The following ANKRD44 variants were observed in gnomAD, a reference collection of about 807,000 sequenced individuals.
ANKRD44 encodes the protein ankyrin repeat domain 44.
In ANKRD44, 35 loss-of-function variants were observed where a neutral mutation model predicts 116.0. That is an observed-to-expected ratio of 0.30 (90% CI 0.23 to 0.40). The LOEUF (loss-of-function observed/expected upper bound fraction) is 0.40, where lower values mean the gene tolerates loss of function less well. Ranked by LOEUF, ANKRD44 falls within the 10% of genes least tolerant of loss-of-function variation. ANKRD44 has a pLI of 1.00. For synonymous variants in ANKRD44, 435 were observed against 461.8 expected (o/e 0.94, Z 0.74); for missense variants, 1,014 against 1,242.6 (o/e 0.82, Z 2.77).
intron 22 of ANKRD44, 78 bp downstream of exon 22, chr2:197,001,675 T>C (rs1334765532): frequency 1.8e-6 from 2 of 1,082,750 alleles, no homozygotes; most frequent in South Asian, 1.7e-5. Flanking sequence ...AAAAGACTTT[T>C]TTCCCTACAA....
chr2:197,222,084 C>G (rs1324914807), intron 1 of ANKRD44, among the ~76,000 whole-genome samples: 3 of 152,204 alleles, frequency 2.0e-5, no homozygotes, highest in Non-Finnish European at 4.4e-5. Flanking sequence ...AAGAACAGCA[C>G]CTGGAGGAAA....
chr2:197,146,571 A>T, intron 3 of ANKRD44, among the ~76,000 whole-genome samples: 2 of 150,938 alleles, frequency 1.3e-5, no homozygotes, highest in African/African-American at 4.9e-5. Context: ...ATATAGAGAG[A>T]GAGTATATAG....
chr2:197,279,963 T>A (rs1305410059), intron 1 of ANKRD44, among the ~76,000 whole-genome samples: 1 of 152,210 alleles, frequency 6.6e-6, no homozygotes, highest in Non-Finnish European at 1.5e-5. Context: ...GTTGTCATCA[T>A]TTTTGAGCCA....
intron 21 of ANKRD44, among the ~76,000 whole-genome samples, chr2:196,977,706 G>C (rs747270200): frequency 6.6e-6 from 1 of 152,148 alleles, no homozygotes; most frequent in African/African-American, 2.4e-5. Flanking sequence ...AAGAAGTACT[G>C]GCAAGGAGGT....
rs367757308 is a variant in ANKRD44 at position 196,989,293 on chromosome 2, AG to A, written c.*297del. On this transcript the variant is annotated 3_prime_UTR_variant, in exon 28 of 28. Coordinates refer to ENST00000282272, the MANE Select transcript of ANKRD44 (RefSeq NM_001195144.2). ...TCTAGTTTGGCAAAAAAAAAAAAAA[AG>A]GTCAGCACATCATCAGTTACAAATG... 8.2e-5 allele frequency: 81 copies of A among 986,540 alleles called. 1 individual carries two copies. In the East Asian group the frequency reaches 2.6e-3, roughly 31 times the overall value. The allele number at this position is 986,540 out of a possible 1,614,324, so 61.1% of individuals were successfully genotyped here.
intron 1 of ANKRD44, among the ~76,000 whole-genome samples, chr2:197,271,433 A>G (rs1277290988): frequency 6.6e-6 from 1 of 152,188 alleles, no homozygotes; most frequent in African/African-American, 2.4e-5. Flanking sequence ...GAACTTTCCA[A>G]CTTACAGAAC....
At chr2:197,245,259 CAAT>C (rs2082166880) in intron 1 of ANKRD44, among the ~76,000 whole-genome samples, 1 of 151,864 alleles carries the variant, frequency 6.6e-6, no homozygotes, top group Non-Finnish European at 1.5e-5. Context: ...GACTCCATCT[CAAT>C]AATAATAATA....
chr2:197,192,385 A>G (rs2080845515), intron 1 of ANKRD44, among the ~76,000 whole-genome samples: 1 of 152,234 alleles, frequency 6.6e-6, no homozygotes, highest in African/African-American at 2.4e-5. Flanking sequence ...AAAGAAAAAC[A>G]TTTTGCATTC....
At chr2:197,094,691 A>G (rs1190109184) in intron 10 of ANKRD44, among the ~76,000 whole-genome samples, 2 of 152,222 alleles carry the variant, frequency 1.3e-5, no homozygotes, top group East Asian at 3.8e-4. Flanking sequence ...CATTTCTTAA[A>G]TTTAGAATAG....
intron 9 of ANKRD44, among the ~76,000 whole-genome samples, chr2:197,103,046 G>A (rs569758783): frequency 7.2e-5 from 11 of 152,046 alleles, no homozygotes; most frequent in Non-Finnish European, 1.0e-4. Context: ...TGGCAAACAC[G>A]GTGAAACCCC....
At chr2:197,239,050 T>C (rs1472633970) in intron 1 of ANKRD44, among the ~76,000 whole-genome samples, 1 of 152,078 alleles carries the variant, frequency 6.6e-6, no homozygotes, top group African/African-American at 2.4e-5. Flanking sequence ...TGCTGCTCCA[T>C]TCTCTGTAGC....
chr2:197,207,233 C>T (rs2081228121), intron 1 of ANKRD44, among the ~76,000 whole-genome samples: 1 of 152,204 alleles, frequency 6.6e-6, no homozygotes, highest in South Asian at 2.1e-4. Flanking sequence ...TGTCTGAAAA[C>T]TGTGCTATCA....
chr2:197,074,365 C>A (rs964382845), intron 16 of ANKRD44, among the ~76,000 whole-genome samples: 1 of 150,176 alleles, frequency 6.7e-6, no homozygotes, highest in Non-Finnish European at 1.5e-5. Context: ...ACTGATTTTT[C>A]ATTTTCTTGT....
At chr2:197,096,791 T>C (rs1336041721) in intron 10 of ANKRD44, among the ~76,000 whole-genome samples, 3 of 152,198 alleles carry the variant, frequency 2.0e-5, no homozygotes, top group Non-Finnish European at 2.9e-5. Context: ...TGAGAGGCTT[T>C]TGGCAAATTT....
intron 1 of ANKRD44, among the ~76,000 whole-genome samples, chr2:197,257,628 TG>T (rs1196181385): frequency 1.3e-5 from 2 of 152,218 alleles, no homozygotes; most frequent in East Asian, 1.9e-4. Flanking sequence ...CTTGAGGGGA[TG>T]GATGCCCCAT....
chr2:197,218,237 A>G (rs1250781365), intron 1 of ANKRD44, among the ~76,000 whole-genome samples: 2 of 152,122 alleles, frequency 1.3e-5, no homozygotes, highest in African/African-American at 4.8e-5. Flanking sequence ...ATGTCTACTG[A>G]GATTATTCTT....
At chr2:197,251,109 C>G (rs1190975923) in intron 1 of ANKRD44, 1 of 152,032 alleles carries the variant, frequency 6.6e-6, no homozygotes, top group African/African-American at 2.4e-5. Context: ...TTGCTAAAAC[C>G]ATAACAAAGA....
chr2:197,150,406 G>A (rs535794105), intron 2 of ANKRD44, among the ~76,000 whole-genome samples: 8 of 152,152 alleles, frequency 5.3e-5, no homozygotes, highest in Admixed American at 2.6e-4. Flanking sequence ...AAAATTAGCC[G>A]GGCATGGTGG....
rs368982455 is a variant in ANKRD44, at chr2:197,259,925, GA to G, written c.27+50652del. ...GAGTGTGACTGTTAATTTGAGGGGG[GA>G]AAAAAAAAGAAAGAAAGAAAAGAAT... On this transcript the variant is annotated intron_variant, in intron 1 of 27. Transcript: ENST00000282272. Among the ~76,000 whole-genome samples, 63 of 149,814 alleles carry G rather than the reference GA, an allele frequency of 4.2e-4. 1 individual carries two copies. The highest frequency in any genetic ancestry group is 1.1e-3 in the African/African-American group (44 of 40,892).
Sources: allele counts gnomAD v4.1 joint callset (sites outside exome capture counted in the v4.1 genomes callset), GRCh38; gene constraint gnomAD v4.1.1; transcripts MANE v1.5; gene names NCBI Gene and HGNC (gene_info 2026-07-23, HGNC 2026-07-21).